Variants in RAI14 observed in about 807,000 individuals in gnomAD.
RAI14 encodes the protein retinoic acid induced 14.
A neutral mutation model predicts 115.4 loss-of-function variants in RAI14; 45 were observed. The ratio of observed to expected loss-of-function variants is 0.39; its 90% CI spans 0.31 to 0.50. The LOEUF is 0.50. RAI14 is among the 20% of genes least tolerant of loss of function. The probability of loss-of-function intolerance (pLI) is 0.85; values close to 1 mark genes in which losing one functional copy is unlikely to be tolerated. For synonymous variants in RAI14, 371 were observed against 415.4 expected (o/e 0.89, Z 1.30); for missense variants, 939 against 1,131.2 (o/e 0.83, Z 2.44).
intron 3 of RAI14, among the ~76,000 whole-genome samples, chr5:34,765,190 T>G (rs567437886): frequency 2.7e-4 from 41 of 152,130 alleles, no homozygotes; most frequent in Non-Finnish European, 5.7e-4. Context: ...AGCATGAAAA[T>G]GGACTAACAT....
chr5:34,761,909 A>T lies in RAI14; in HGVS notation c.167+4311A>T, dbSNP rs185109733. Among the ~76,000 whole-genome samples, 70 of 152,312 alleles carry T rather than the reference A, an allele frequency of 4.6e-4. 2 individuals carry two copies. In the East Asian group the frequency reaches 0.01, roughly 22 times the overall value. On this transcript the variant is annotated intron_variant, in intron 3 of 17. Coordinates refer to ENST00000265109, the MANE Select transcript of RAI14 (RefSeq NM_015577.3). The stretch of plus-strand genomic sequence containing the variant: ...TCCTGAGTAGCTGGGACTATAAGGC[A>T]TGCACTACCACACCCACCTTTATTC...
intron 1 of RAI14, among the ~76,000 whole-genome samples, chr5:34,660,932 A>G (rs762007508): frequency 6.6e-6 from 1 of 152,174 alleles, no homozygotes; most frequent in Non-Finnish European, 1.5e-5. Flanking sequence ...TTAGACGTCT[A>G]CATGGCTGTG....
intron 3 of RAI14, among the ~76,000 whole-genome samples, chr5:34,792,713 T>C (rs927870747): frequency 6.6e-6 from 1 of 152,240 alleles, no homozygotes; most frequent in Non-Finnish European, 1.5e-5. Flanking sequence ...GCAAAAAATA[T>C]GGTATTAGAT....
At chr5:34,744,226 A>AGTG (rs1745885891) in intron 2 of RAI14, among the ~76,000 whole-genome samples, 1 of 152,216 alleles carries the variant, frequency 6.6e-6, no homozygotes, top group Non-Finnish European at 1.5e-5. Flanking sequence ...TCATTGTTAC[A>AGTG]TGCGTACCTC....
At chr5:34,687,966 C>G in intron 2 of RAI14, 1 of 1,076,008 alleles carries the variant, frequency 9.3e-7, no homozygotes, top group Non-Finnish European at 1.3e-6. Context: ...AAAACCCAGG[C>G]TAGATGAGAT....
intron 11 of RAI14, among the ~76,000 whole-genome samples, chr5:34,814,104 G>T (rs552978406): frequency 4.6e-4 from 70 of 152,202 alleles, no homozygotes; most frequent in African/African-American, 1.6e-3. Context: ...TTTAAGGTTG[G>T]CTAATATTAA....
chr5:34,700,925 G>T (rs900316950), intron 2 of RAI14, among the ~76,000 whole-genome samples: 3 of 152,158 alleles, frequency 2.0e-5, no homozygotes, highest in Non-Finnish European at 4.4e-5. Context: ...CCTAAATTTA[G>T]ACCCAATTTA....
At chr5:34,825,605 G>T (rs1237723816) in intron 15 of RAI14, among the ~76,000 whole-genome samples, 4 of 152,098 alleles carry the variant, frequency 2.6e-5, no homozygotes, top group Admixed American at 2.6e-4. Context: ...GAAGGGGGAG[G>T]AATGTGGGGA....
At chr5:34,694,019 T>G (rs1446915692) in intron 2 of RAI14, among the ~76,000 whole-genome samples, 1 of 152,198 alleles carries the variant, frequency 6.6e-6, no homozygotes, top group African/African-American at 2.4e-5. Flanking sequence ...TACGTGGAGC[T>G]CCACTGTGGG....
intron 3 of RAI14, among the ~76,000 whole-genome samples, chr5:34,778,962 C>A (rs1202580884): frequency 2.6e-5 from 4 of 151,804 alleles, no homozygotes; most frequent in Admixed American, 1.3e-4. Context: ...AACATCGATG[C>A]AAAAATCCTC....
At chr5:34,702,110 G>A (rs1298939958) in intron 2 of RAI14, among the ~76,000 whole-genome samples, 4 of 152,204 alleles carry the variant, frequency 2.6e-5, no homozygotes, top group Middle Eastern at 6.8e-3. Flanking sequence ...CACCACGCCC[G>A]CCCAAGAGTT....
At chr5:34,730,229 C>T (rs1046489726) in intron 2 of RAI14, among the ~76,000 whole-genome samples, 5 of 152,186 alleles carry the variant, frequency 3.3e-5, no homozygotes, top group South Asian at 4.1e-4. Context: ...ATATCCAGTG[C>T]TCTCATACTT....
At chr5:34,723,003 G>T (rs1488207553) in intron 2 of RAI14, among the ~76,000 whole-genome samples, 3 of 151,812 alleles carry the variant, frequency 2.0e-5, no homozygotes, top group Non-Finnish European at 4.4e-5. Context: ...AGGAGGCTGA[G>T]GCAGGAGAAT....
At chr5:34,746,945 A>T (rs942244651) in intron 2 of RAI14, among the ~76,000 whole-genome samples, 5 of 152,142 alleles carry the variant, frequency 3.3e-5, no homozygotes, top group African/African-American at 1.2e-4. Flanking sequence ...TGGGTTTATC[A>T]GGGATTTCTG....
At chr5:34,708,201 G>GTTTTT (rs146605112) in intron 2 of RAI14, among the ~76,000 whole-genome samples, 7 of 147,310 alleles carry the variant, frequency 4.8e-5, no homozygotes, top group Non-Finnish European at 3.0e-5. Flanking sequence ...GGAACTTTGG[G>GTTTTT]TTTTTGTTTT....
At chr5:34,749,311 A>G (rs9283739) in intron 2 of RAI14, among the ~76,000 whole-genome samples, 20,921 of 152,222 alleles carry the variant, frequency 0.14, 1,505 homozygotes, top group South Asian at 0.19. Context: ...TCTTTTCTCA[A>G]GAAAGTCAAA....
In RAI14 at chr5:34,824,240, G is replaced by A. The variant is rs1334534651; in HGVS notation, c.2398G>A (p.Val800Met). 6.2e-7 allele frequency: 1 copy of A among 1,614,194 alleles called. No homozygotes were observed. The change falls in exon 15 of 18, where the codon GTG (valine) becomes ATG (methionine). Residue 800 changes from valine to methionine, a missense_variant. By Grantham distance (21) the Val-to-Met change is conservative. Coordinates refer to ENST00000265109, the MANE Select transcript of RAI14 (RefSeq NM_015577.3). ...ACTCCAGTCATCCTTAGAGAGTGAA[G>A]TGAGTGTGTTGGCATCGAAATTAAA... ...EKLQSSLESE[V>M]SVLASKLKES...
chr5:34,810,897 G>A, intron 7 of RAI14, 115 bp from the exon 8 acceptor site: 1 of 1,503,438 alleles, frequency 6.7e-7, no homozygotes. Context: ...CCAGATACTA[G>A]ATCAGCAGTC....
intron 16 of RAI14, among the ~76,000 whole-genome samples, chr5:34,829,052 T>G (rs1180935768): frequency 2.6e-5 from 4 of 152,188 alleles, no homozygotes; most frequent in Admixed American, 6.5e-5. Flanking sequence ...CTTTTTACAT[T>G]TGATATATTT....
Sources: gnomAD v4.1 joint callset for allele counts (sites outside exome capture counted in the v4.1 genomes callset) on GRCh38, gnomAD v4.1.1 for gene constraint, MANE v1.5 for transcripts, NCBI Gene and HGNC (gene_info 2026-07-23, HGNC 2026-07-21) for gene names.